The following PRKCE variants were observed in gnomAD, a reference collection of about 807,000 sequenced individuals.
PRKCE encodes the protein protein kinase C epsilon.
In PRKCE, 16 loss-of-function variants were observed where a neutral mutation model predicts 85.4. That is an observed-to-expected ratio of 0.19 (90% CI 0.13 to 0.28). The LOEUF is 0.28. Among genes scored for constraint, PRKCE ranks in the 10% least tolerant of loss-of-function variants. The pLI, the probability that PRKCE is intolerant of heterozygous loss-of-function variation, is 1.00. For synonymous variants in PRKCE, 388 were observed against 371.5 expected (o/e 1.04, Z -0.51); for missense variants, 573 against 975.2 (o/e 0.59, Z 5.49).
At position 46,086,224 on chromosome 2, in the gene PRKCE, T is replaced by C; in HGVS notation, c.1454T>C (p.Val485Ala). The change falls in exon 11 of 15, where the codon GTC becomes GCC. Residue 485 changes from valine to alanine, a missense_variant. Transcript: ENST00000306156. ...TCCTTTCAGGACCGCCTCTTTTTCG[T>C]CATGGAATATGTAAATGGTGGAGAC... ...CFQTKDRLFF[V>A]MEYVNGGDLM... 1 of 1,599,602 alleles carries C rather than the reference T, an allele frequency of 6.3e-7. No homozygotes were observed. Among genetic ancestry groups the C allele is most frequent in the Non-Finnish European group, 8.5e-7 (1 of 1,179,924 alleles).
intron 1 of PRKCE, among the ~76,000 whole-genome samples, chr2:45,663,398 C>A (rs1183859998): frequency 6.6e-6 from 1 of 152,140 alleles, no homozygotes; most frequent in Admixed American, 6.5e-5. Context: ...GTGGGTTCTG[C>A]TAGTTGGCAG....
intron 2 of PRKCE, among the ~76,000 whole-genome samples, chr2:45,884,998 TATA>T (rs201534053): frequency 0.055 from 4,278 of 77,952 alleles, 448 homozygotes; most frequent in East Asian, 0.15. Flanking sequence ...TATATATATA[TATA>T]TTTGTTGTTG....
chr2:45,696,125 ATT>A (rs978932718), intron 1 of PRKCE, among the ~76,000 whole-genome samples: 1 of 111,374 alleles, frequency 9.0e-6, no homozygotes, highest in East Asian at 2.7e-4. Flanking sequence ...AGTGTGAGAA[ATT>A]TTTTTTTTTG....
chr2:45,797,789 C>A (rs900864948), intron 1 of PRKCE, among the ~76,000 whole-genome samples: 2 of 152,212 alleles, frequency 1.3e-5, no homozygotes, highest in African/African-American at 2.4e-5. Flanking sequence ...GTAGCTTTGG[C>A]GCTTGGCGCT....
chr2:45,972,567 G>A (rs1198690474), intron 2 of PRKCE, among the ~76,000 whole-genome samples: 2 of 152,130 alleles, frequency 1.3e-5, no homozygotes, highest in African/African-American at 4.8e-5. Flanking sequence ...TTTCCCCTAT[G>A]TTTTCTTCTA....
At chr2:46,165,061 C>T (rs564947897) in intron 14 of PRKCE, among the ~76,000 whole-genome samples, 7 of 152,200 alleles carry the variant, frequency 4.6e-5, no homozygotes, top group South Asian at 2.1e-4. Context: ...TCTGCTCCCC[C>T]GGCTCCTAAG....
intron 2 of PRKCE, among the ~76,000 whole-genome samples, chr2:45,959,698 G>A (rs773373374): frequency 3.3e-5 from 5 of 152,154 alleles, no homozygotes; most frequent in Non-Finnish European, 7.4e-5. Context: ...TGTTCCCAGA[G>A]GTTAATGCCT....
At chr2:46,079,800 C>T (rs1386998403) in intron 10 of PRKCE, among the ~76,000 whole-genome samples, 1 of 152,198 alleles carries the variant, frequency 6.6e-6, no homozygotes, top group African/African-American at 2.4e-5. Flanking sequence ...CAGGGCAGGC[C>T]TAGTTTTCTC....
chr2:45,906,828 G>C (rs1040088875), intron 2 of PRKCE, among the ~76,000 whole-genome samples: 1 of 152,244 alleles, frequency 6.6e-6, no homozygotes, highest in African/African-American at 2.4e-5. Flanking sequence ...GAGGCCTGGG[G>C]CCAGCACTGA....
At chr2:46,180,051 C>T (rs1490150686) in intron 14 of PRKCE, among the ~76,000 whole-genome samples, 2 of 152,148 alleles carry the variant, frequency 1.3e-5, no homozygotes, top group Admixed American at 6.5e-5. Context: ...TGAGTTCAAC[C>T]CAGTCTCTGC....
intron 13 of PRKCE, among the ~76,000 whole-genome samples, chr2:46,153,114 C>G (rs1337919347): frequency 6.6e-6 from 1 of 152,256 alleles, no homozygotes; most frequent in South Asian, 2.1e-4. Flanking sequence ...GTGCTAGATG[C>G]TGAATAAGTA....
chr2:45,920,865 G>A (rs995363215), intron 2 of PRKCE, among the ~76,000 whole-genome samples: 2 of 152,186 alleles, frequency 1.3e-5, no homozygotes, highest in African/African-American at 2.4e-5. Flanking sequence ...CTTTACATGG[G>A]TGAATTTATG....
intron 10 of PRKCE, among the ~76,000 whole-genome samples, chr2:46,057,823 C>G (rs1462968657): frequency 6.6e-6 from 1 of 152,158 alleles, no homozygotes; most frequent in Non-Finnish European, 1.5e-5. Context: ...GACATAGCCA[C>G]CTGTCTCCCT....
chr2:46,139,069 G>A lies in PRKCE; in HGVS notation c.1593-6024G>A, dbSNP rs569687367. On this transcript the variant is annotated intron_variant, in intron 11 of 14. Transcript: ENST00000306156. The surrounding 1 kb of genome is among the most constrained non-coding windows in gnomAD (Gnocchi z 5.2). ...CAGGTGTCAGGCAACAAGGGCTATC[G>A]CAAAGGCATTCAGGCTGAGGGGGAA... is the stretch of plus-strand genomic sequence containing the variant. Among the ~76,000 whole-genome samples, 6 of 152,238 alleles carry A rather than the reference G, an allele frequency of 3.9e-5. No homozygotes were observed. The highest frequency in any genetic ancestry group is 4.1e-4 in the South Asian group (2 of 4,830).
chr2:46,124,996 A>G (rs1673708546), intron 11 of PRKCE, among the ~76,000 whole-genome samples: 1 of 152,188 alleles, frequency 6.6e-6, no homozygotes, highest in Non-Finnish European at 1.5e-5. Context: ...AGACTTTGGT[A>G]TTTATTTGCA....
intron 1 of PRKCE, among the ~76,000 whole-genome samples, chr2:45,653,367 G>GTTTTTTTTTTTTTT: frequency 2.1e-5 from 1 of 48,448 alleles, no homozygotes; most frequent in Admixed American, 2.3e-4. Flanking sequence ...TTGTTTTTGG[G>GTTTTTTTTTTTTTT]TTGTTTTTTT....
intron 1 of PRKCE, among the ~76,000 whole-genome samples, chr2:45,793,543 AG>A (rs1298596369): frequency 6.6e-6 from 1 of 152,172 alleles, no homozygotes; most frequent in East Asian, 1.9e-4. Context: ...GCAATGGTAA[AG>A]TATGTGTCCA....
chr2:45,903,890 TG>T lies in PRKCE; in HGVS notation c.412+60828del, dbSNP rs1409614658. On this transcript the variant is annotated intron_variant, in intron 2 of 14. Coordinates refer to ENST00000306156, the MANE Select transcript of PRKCE (RefSeq NM_005400.3). ...AGCTTGTAGCCTGGCAGTTTTTTTT[TG>T]TTTGTTTGTTTGTTTGTTTGTTTGT... is the stretch of plus-strand genomic sequence containing the variant. Among the ~76,000 whole-genome samples the T allele has an allele frequency of 2.0e-3, 254 of 125,832 alleles. 6 individuals carry two copies. Among genetic ancestry groups the T allele is most frequent in the African/African-American group, 3.9e-3 (127 of 32,228 alleles). 82.6% of individuals were successfully genotyped at this position (125,832 alleles called of 152,430 possible). A position where few individuals can be genotyped will look rare whatever the true frequency, so the allele number is the denominator to read the frequency against.
intron 1 of PRKCE, among the ~76,000 whole-genome samples, chr2:45,666,053 G>A (rs1375345492): frequency 6.6e-6 from 1 of 152,156 alleles, no homozygotes; most frequent in East Asian, 1.9e-4. Flanking sequence ...CCTGCCATTA[G>A]CCTGCTACAG....
Sources: allele counts gnomAD v4.1 joint callset (sites outside exome capture counted in the v4.1 genomes callset), GRCh38; gene constraint gnomAD v4.1.1; non-coding constraint Gnocchi (gnomAD v3.1); transcripts MANE v1.5; gene names NCBI Gene and HGNC (gene_info 2026-07-23, HGNC 2026-07-21).